ACOT7: variants seen among roughly 807,000 people sequenced by gnomAD.
ACOT7 encodes cytosolic acyl coenzyme A thioester hydrolase.
ACOT7 carries 12 observed loss-of-function variants against 40.2 expected under a neutral mutation model. The ratio of observed to expected loss-of-function variants is 0.30; its 90% CI spans 0.19 to 0.48. ACOT7 has a LOEUF of 0.48. Ranked by LOEUF, ACOT7 falls within the 20% of genes least tolerant of loss-of-function variation. The pLI, the probability that ACOT7 is intolerant of heterozygous loss-of-function variation, is 0.99. For synonymous variants in ACOT7, 228 were observed against 219.5 expected, an observed-to-expected ratio of 1.04 and a Z score of -0.34; for missense variants, 395 against 530.8, an observed-to-expected ratio of 0.74 and a Z score of 2.51.
At chr1:6,361,536 C>G (rs1011399965) in intron 1 of ACOT7, among the ~76,000 whole-genome samples, 8 of 152,222 alleles carry the variant, frequency 5.3e-5, no homozygotes, top group Admixed American at 1.3e-4. Context: ...GAGTAGTTCA[C>G]GCCTGTAATC....
intron 1 of ACOT7, among the ~76,000 whole-genome samples, chr1:6,372,762 C>G (rs907829354): frequency 1.3e-5 from 2 of 152,074 alleles, no homozygotes; most frequent in African/African-American, 4.8e-5. Flanking sequence ...GTTGGCCAGG[C>G]TGGTCTCGAA....
At chr1:6,339,707 C>T in intron 2 of ACOT7, 118 bp from the exon 3 acceptor site, 1 of 1,085,052 alleles carries the variant, frequency 9.2e-7, no homozygotes, top group Non-Finnish European at 1.3e-6. Flanking sequence ...ACTGTGAAAG[C>T]AACCAATGTA....
chr1:6,269,859 G>A (rs2148364097), intron 8 of ACOT7, among the ~76,000 whole-genome samples: 1 of 152,366 alleles, frequency 6.6e-6, no homozygotes, highest in South Asian at 2.1e-4. Context: ...GTCACTGCGT[G>A]GAGTGCCCGC....
At chr1:6,349,977 A>T (rs986654102) in intron 1 of ACOT7, 111 bp from the exon 2 acceptor site, 5 of 1,042,158 alleles carry the variant, frequency 4.8e-6, no homozygotes, top group Non-Finnish European at 7.2e-6. Flanking sequence ...CTCCCGGAGG[A>T]AAGAGAACCT....
chr1:6,331,211 A>C (rs1035534993), intron 4 of ACOT7, among the ~76,000 whole-genome samples: 1 of 152,236 alleles, frequency 6.6e-6, no homozygotes, highest in Non-Finnish European at 1.5e-5. Flanking sequence ...GTTGAACAGC[A>C]TCCCTCAAAA....
chr1:6,322,119 C>A (rs1557649724), intron 5 of ACOT7, among the ~76,000 whole-genome samples: 1 of 152,182 alleles, frequency 6.6e-6, no homozygotes, highest in African/African-American at 2.4e-5. Context: ...TCGGGGCCCC[C>A]AGGGGCTCCT....
At position 6,278,164 on chromosome 1, in the gene ACOT7, C is replaced by T. The variant is rs144476221; in HGVS notation, c.1014+2938G>A. 0.01 allele frequency among the ~76,000 whole-genome samples: 1,577 copies of T among 152,222 alleles called. 29 individuals carry two copies. Among genetic ancestry groups the T allele is most frequent in the African/African-American group, 0.036 (1,484 of 41,498 alleles). ...TGTGGGTGCCCTTCTAAGGAAAAAA[C>T]GTCTGAGAAGTGCTGTAGCTCCAGG... On this transcript the variant is annotated intron_variant, in intron 8 of 8. Coordinates refer to ENST00000361521, the MANE Select transcript of ACOT7 (RefSeq NM_007274.4). This position sits in a 1 kb window ranked among gnomAD's most constrained non-coding sequence, Gnocchi z 4.1.
intron 6 of ACOT7, among the ~76,000 whole-genome samples, chr1:6,310,497 T>G (rs1329110515): frequency 6.6e-6 from 1 of 152,204 alleles, no homozygotes; most frequent in Non-Finnish European, 1.5e-5. Flanking sequence ...GTCAGTGGTG[T>G]CCAATGCTCT....
At chr1:6,328,313 C>T (rs917805787) in intron 4 of ACOT7, among the ~76,000 whole-genome samples, 1 of 152,094 alleles carries the variant, frequency 6.6e-6, no homozygotes, top group African/African-American at 2.4e-5. Context: ...CCACGGCTCT[C>T]CAAATGAATC....
intron 1 of ACOT7, among the ~76,000 whole-genome samples, chr1:6,381,212 T>C (rs1320791761): frequency 6.6e-6 from 1 of 151,880 alleles, no homozygotes; most frequent in African/African-American, 2.4e-5. Flanking sequence ...AATATATACA[T>C]GGATACTTAT....
chr1:6,348,735 A>T (rs1219405198), intron 2 of ACOT7, among the ~76,000 whole-genome samples: 1 of 152,224 alleles, frequency 6.6e-6, no homozygotes, highest in Non-Finnish European at 1.5e-5. Flanking sequence ...ATTGTTCACA[A>T]GCCAGCAGGC....
intron 7 of ACOT7, among the ~76,000 whole-genome samples, chr1:6,284,844 T>C (rs1441986499): frequency 6.6e-6 from 1 of 152,134 alleles, no homozygotes; most frequent in Admixed American, 6.5e-5. Flanking sequence ...GTGAGCTCCC[T>C]GAAGCTCCTG....
rs1403785164 is a variant in ACOT7 at position 6,275,713 on chromosome 1, T to C, written c.1014+5389A>G. Among the ~76,000 whole-genome samples the C allele has an allele frequency of 9.5e-6, 1 of 105,084 alleles. No homozygotes were observed. Among genetic ancestry groups the C allele is most frequent in the Admixed American group, 1.1e-4 (1 of 8,850 alleles). 68.9% of individuals were successfully genotyped at this position (105,084 alleles called of 152,430 possible). A position where few individuals can be genotyped will look rare whatever the true frequency, so the allele number is the denominator to read the frequency against. ...GGTTGGGCGACAGAGTGAGGCTCCGTCTCAAAAAAAAAAAAAAAAAAAAAA... is the reference window on the plus strand; with the variant it reads ...GGTTGGGCGACAGAGTGAGGCTCCGCCTCAAAAAAAAAAAAAAAAAAAAAA... On this transcript the variant is annotated intron_variant, in intron 8 of 8. Coordinates refer to ENST00000361521, the MANE Select transcript of ACOT7 (RefSeq NM_007274.4). The surrounding 1 kb of genome is among the most constrained non-coding windows in gnomAD (Gnocchi z 5.6).
intron 7 of ACOT7, among the ~76,000 whole-genome samples, chr1:6,286,576 G>T (rs1004041607): frequency 2.0e-5 from 3 of 152,192 alleles, no homozygotes; most frequent in African/African-American, 7.2e-5. Context: ...ACTGAGCAGG[G>T]ACAAGCCAGG....
chr1:6,274,010 G>C lies in ACOT7; in HGVS notation c.1014+7092C>G, dbSNP rs2148369448. On this transcript the variant is annotated intron_variant, in intron 8 of 8. Transcript: ENST00000361521. This position sits in a 1 kb window ranked among gnomAD's most constrained non-coding sequence, Gnocchi z 5.9. ...TCTCTTCTTGTCCTGGTCCGGCCTG[G>C]ACACGGTCAGGAATGGCCACCTCTG... 6.6e-6 allele frequency among the ~76,000 whole-genome samples: 1 copy of C among 152,286 alleles called. No homozygotes were observed. The highest frequency in any genetic ancestry group is 2.1e-4 in the South Asian group (1 of 4,832).
intron 1 of ACOT7, among the ~76,000 whole-genome samples, chr1:6,354,480 C>T (rs192861774): frequency 1.3e-5 from 2 of 152,364 alleles, no homozygotes; most frequent in Non-Finnish European, 2.9e-5. Flanking sequence ...GACAGGGACG[C>T]AGCTGTCATG....
intron 8 of ACOT7, among the ~76,000 whole-genome samples, chr1:6,266,533 C>T (rs1029520289): frequency 3.9e-5 from 6 of 152,284 alleles, no homozygotes; most frequent in African/African-American, 1.4e-4. Context: ...CCAGGTGACA[C>T]AACGCTGTGG....
rs573768375 is a variant in ACOT7, at chr1:6,269,467, C to T, written c.1015-4772G>A. Among the ~76,000 whole-genome samples the T allele has an allele frequency of 3.9e-5, 6 of 152,382 alleles. 1 individual carries two copies. The East Asian group carries it at 7.7e-4, about 20-fold the overall frequency. On this transcript the variant is annotated intron_variant, in intron 8 of 8. Transcript: ENST00000361521. ...ACTACAGCTGCTCCCACCCCAGCGG[C>T]CACCAGGCCATCGAGCATTCCCAAT...
chr1:6,324,083 C>T (rs552600537), intron 5 of ACOT7, among the ~76,000 whole-genome samples: 96 of 152,146 alleles, frequency 6.3e-4, no homozygotes, highest in African/African-American at 2.3e-3. Context: ...CCCATTGACC[C>T]GGACGCCCCT....
Sources: allele counts gnomAD v4.1 joint callset (sites outside exome capture counted in the v4.1 genomes callset), GRCh38; gene constraint gnomAD v4.1.1; non-coding constraint Gnocchi (gnomAD v3.1); transcripts MANE v1.5; gene names NCBI Gene and HGNC (gene_info 2026-07-23, HGNC 2026-07-21).